SNX31: variants seen among roughly 807,000 people sequenced by gnomAD.
The protein encoded by SNX31 is sorting nexin 31.
A neutral mutation model predicts 65.4 loss-of-function variants in SNX31; 58 were observed. The ratio of observed to expected loss-of-function variants is 0.89; its 90% CI spans 0.72 to 1.10. The LOEUF (loss-of-function observed/expected upper bound fraction) is 1.10. Ranked by LOEUF, SNX31 falls within the 50% of genes least tolerant of loss-of-function variation. The pLI, the probability that SNX31 is intolerant of heterozygous loss-of-function variation, is 0.00. For missense variants in SNX31, 523 were observed against 529.7 expected, an observed-to-expected ratio of 0.99 and a Z score of 0.12; for synonymous variants, 181 against 190.1, an observed-to-expected ratio of 0.95 and a Z score of 0.39.
In SNX31 at chr8:100,648,560, T is replaced by C. The variant is rs76987103; in HGVS notation, c.141+714A>G. 0.066 allele frequency among the ~76,000 whole-genome samples: 9,957 copies of C among 151,774 alleles called. 452 individuals carry two copies. The highest frequency in any genetic ancestry group is 0.095 in the Non-Finnish European group (6,434 of 67,856). ...TATTCATGGGGGAGTGGAGGAGGAG[T>C]GTAAAGTTTATTTCTAAACTTTCAT... On this transcript the variant is annotated intron_variant, in intron 2 of 13. Transcript: ENST00000311812. The surrounding 1 kb of genome is among the most constrained non-coding windows in gnomAD (Gnocchi z 4.3).
upstream of SNX31, among the ~76,000 whole-genome samples, chr8:100,653,746 T>A (rs1169217159): frequency 6.6e-6 from 1 of 152,210 alleles, no homozygotes; most frequent in Non-Finnish European, 1.5e-5. Flanking sequence ...CCTACACTGA[T>A]GCTGTGGCCA....
At chr8:100,634,195 A>C (rs886197717) in intron 3 of SNX31, among the ~76,000 whole-genome samples, 1 of 152,150 alleles carries the variant, frequency 6.6e-6, no homozygotes, top group Non-Finnish European at 1.5e-5. Context: ...CAGCATTTCT[A>C]GGACCCAGGC....
rs1344695134 is a variant in SNX31, at chr8:100,660,135, A to C, written c.-58+3007T>G. Among the ~76,000 whole-genome samples, 3 of 152,338 alleles carry C rather than the reference A, an allele frequency of 2.0e-5. No individual in the cohort carries two copies. The highest frequency in any genetic ancestry group is 3.9e-4 in the East Asian group (2 of 5,190). On this transcript the variant is annotated intron_variant, in intron 1 of 5. Transcript: ENST00000520352. This position sits in a 1 kb window ranked among gnomAD's most constrained non-coding sequence, Gnocchi z 4.1. The stretch of plus-strand genomic sequence containing the variant: ...TTGCTCAAATTATATATCAGTTATT[A>C]TGATTATTAGTTACCTTTCTCTGAG...
chr8:100,629,420 TGAACCACTACA>T lies in SNX31; in HGVS notation c.321+896_321+906del, dbSNP rs1357189021. Among the ~76,000 whole-genome samples the T allele has an allele frequency of 3.3e-5, 5 of 152,300 alleles. No homozygotes were observed. The highest frequency in any genetic ancestry group is 2.1e-4 in the South Asian group (1 of 4,830). ...AAACCATCAAGAAATTGTGAAAATA[TGAACCACTACA>T]GAACAGAAGGCTCTAGGGCCATTTC... On this transcript the variant is annotated intron_variant, in intron 4 of 13. Transcript: ENST00000311812. The surrounding 1 kb of genome is among the most constrained non-coding windows in gnomAD (Gnocchi z 5.1).
chr8:100,657,949 T>C, intron 1 of SNX31: 1 of 363,032 alleles, frequency 2.8e-6, no homozygotes, highest in Non-Finnish European at 5.4e-6. Flanking sequence ...TCACCACCTG[T>C]GATTTGTTAC....
At chr8:100,651,724 A>C (rs1483294017), upstream of SNX31, among the ~76,000 whole-genome samples, 1 of 152,256 alleles carries the variant, frequency 6.6e-6, no homozygotes, top group Non-Finnish European at 1.5e-5. Context: ...TGCTCTGAAC[A>C]CTTTACATGA....
intron 12 of SNX31, 117 bp downstream of exon 12, chr8:100,583,994 C>A (rs1813792366): frequency 3.7e-6 from 3 of 811,162 alleles, no homozygotes; most frequent in Non-Finnish European, 5.8e-6. Flanking sequence ...GGTTTGGAGT[C>A]CTCCCTTTAG....
In SNX31 at chr8:100,612,082, T is replaced by G. The variant is rs1449506042; in HGVS notation, c.529A>C (p.Lys177Gln). The G allele has an allele frequency of 6.2e-7, 1 of 1,613,244 alleles. No homozygotes were observed. The highest frequency in any genetic ancestry group is 1.3e-5 in the African/African-American group (1 of 75,004). ...FGKEGKLSVV[K>Q]KLADFELPYV... is the part of the protein sequence containing the mutation. ...GGGAGTTCAAAGTCAGCCAATTTTT[T>G]CACAACTAGAGAAAGGAGAAAGCCG... The change falls in exon 7 of 14, where the codon AAA (lysine) becomes CAA (glutamine). Residue 177 changes from lysine (K) to glutamine (Q), a missense_variant. Physicochemically the swap from Lys to Gln is moderately conservative, Grantham distance 53. Transcript: ENST00000311812. The surrounding 1 kb of genome is among the most constrained non-coding windows in gnomAD (Gnocchi z 4.3).
intron 2 of SNX31, among the ~76,000 whole-genome samples, chr8:100,640,601 C>T (rs952059066): frequency 1.3e-5 from 2 of 152,146 alleles, no homozygotes; most frequent in African/African-American, 4.8e-5. Context: ...GTGATGAAGA[C>T]CAACATCAAG....
chr8:100,606,032 T>C (rs566746212), intron 8 of SNX31, among the ~76,000 whole-genome samples: 6 of 151,802 alleles, frequency 4.0e-5, no homozygotes, highest in South Asian at 2.1e-4. Context: ...TCAAGTACAC[T>C]GAACATGATT....
intron 1 of SNX31, among the ~76,000 whole-genome samples, chr8:100,661,646 G>A (rs536713261): frequency 1.3e-5 from 2 of 149,738 alleles, no homozygotes; most frequent in African/African-American, 2.4e-5. Flanking sequence ...CTCTCACCTC[G>A]GCCTCCCAAG....
At position 100,593,555 on chromosome 8, in the gene SNX31, G is replaced by C. The variant is rs1040886241; in HGVS notation, c.978+3084C>G. On this transcript the variant is annotated intron_variant, in intron 10 of 13. Coordinates refer to ENST00000311812, the MANE Select transcript of SNX31 (RefSeq NM_152628.4). ...TGCAACCTCCCCCTCCCAGACTCAA[G>C]GGATTCTCCTGCCTCAGCCTCCCAA... is the stretch of plus-strand genomic sequence containing the variant. Among the ~76,000 whole-genome samples the C allele has an allele frequency of 3.9e-5, 6 of 152,182 alleles. No homozygotes were observed. The East Asian group carries it at 7.7e-4, about 20-fold the overall frequency.
chr8:100,581,875 T>C (rs1035810223), intron 12 of SNX31, among the ~76,000 whole-genome samples: 1 of 152,206 alleles, frequency 6.6e-6, no homozygotes. Flanking sequence ...GTTCAAACAC[T>C]GAACTGTCTG....
chr8:100,641,972 G>C (rs961209550), intron 2 of SNX31, among the ~76,000 whole-genome samples: 1 of 151,900 alleles, frequency 6.6e-6, no homozygotes, highest in African/African-American at 2.4e-5. Context: ...CCAGCTACTC[G>C]GGAGGCTGAG....
intron 2 of SNX31, among the ~76,000 whole-genome samples, chr8:100,642,891 T>A (rs1819356375): frequency 6.6e-6 from 1 of 152,130 alleles, no homozygotes; most frequent in Non-Finnish European, 1.5e-5. Context: ...GACAAATATT[T>A]TCATAAACCC....
At chr8:100,639,968 C>T (rs895304420) in intron 2 of SNX31, among the ~76,000 whole-genome samples, 2 of 152,130 alleles carry the variant, frequency 1.3e-5, no homozygotes, top group African/African-American at 4.8e-5. Context: ...GAAAGAGCTT[C>T]CATGGGCCAA....
intron 11 of SNX31, among the ~76,000 whole-genome samples, chr8:100,587,655 T>A (rs1470258653): frequency 6.6e-6 from 1 of 152,170 alleles, no homozygotes; most frequent in Non-Finnish European, 1.5e-5. Context: ...TCCACATGGG[T>A]GGCTGAGGTA....
In SNX31 at chr8:100,588,761, T is replaced by C. The variant is rs533181561; in HGVS notation, c.1092+105A>G. On this transcript the variant is annotated intron_variant, in intron 11 of 13. Coordinates refer to ENST00000311812, the MANE Select transcript of SNX31 (RefSeq NM_152628.4). The surrounding 1 kb of genome is among the most constrained non-coding windows in gnomAD (Gnocchi z 4.8). ...CCGAACGAGAGTGCATAGAACACTTTAGGGTCCTGCTCTAGTTGGGTTAGG... is the reference window on the plus strand; with the variant it reads ...CCGAACGAGAGTGCATAGAACACTTCAGGGTCCTGCTCTAGTTGGGTTAGG... 180 of 731,848 alleles carry C rather than the reference T, an allele frequency of 2.5e-4. 1 individual carries two copies. Among genetic ancestry groups the C allele is most frequent in the Non-Finnish European group, 3.9e-4 (166 of 422,018 alleles). 45.3% of individuals were successfully genotyped at this position (731,848 alleles called of 1,614,324 possible). A position where few individuals can be genotyped will look rare whatever the true frequency, so the allele number is the denominator to read the frequency against.
intron 8 of SNX31, among the ~76,000 whole-genome samples, chr8:100,601,563 A>G (rs1815628748): frequency 2.0e-5 from 3 of 152,218 alleles, no homozygotes; most frequent in Admixed American, 2.0e-4. Flanking sequence ...TTGGGGTGAC[A>G]TCTACTTTCA....
Sources: gnomAD v4.1 joint callset for allele counts (sites outside exome capture counted in the v4.1 genomes callset) on GRCh38, gnomAD v4.1.1 for gene constraint, Gnocchi (gnomAD v3.1) non-coding constraint, MANE v1.5 for transcripts, NCBI Gene and HGNC (gene_info 2026-07-23, HGNC 2026-07-21) for gene names.